Variants in MYO9B observed in about 807,000 individuals in gnomAD.
MYO9B encodes the protein myosin IXB, also known as unconventional myosin-IXb.
In MYO9B, 71 loss-of-function variants were observed where a neutral mutation model predicts 229.5. The ratio of observed to expected loss-of-function variants is 0.31; its 90% CI spans 0.26 to 0.38. The LOEUF (loss-of-function observed/expected upper bound fraction) is 0.38. MYO9B is among the 10% of genes least tolerant of loss of function. The pLI, the probability that MYO9B is intolerant of heterozygous loss-of-function variation, is 1.00. For missense variants in MYO9B, 2,255 were observed against 2,920.5 expected (o/e 0.77, Z 5.25); for synonymous variants, 1,185 against 1,235.8 (o/e 0.96, Z 0.86).
chr19:17,206,888 G>A (rs182143350), intron 34 of MYO9B, 104 bp downstream of exon 34: 83 of 1,272,824 alleles, frequency 6.5e-5, no homozygotes, highest in Admixed American at 1.2e-4. Flanking sequence ...TGGTGGTTTC[G>A]AACCAGGATG....
At chr19:17,108,921 C>T (rs2057819794) in intron 2 of MYO9B, among the ~76,000 whole-genome samples, 1 of 151,930 alleles carries the variant, frequency 6.6e-6, no homozygotes. Context: ...CCATAGTGGC[C>T]AGGCTGGTCT....
chr19:17,167,307 A>AT (rs1175669869), intron 10 of MYO9B, among the ~76,000 whole-genome samples: 3 of 136,720 alleles, frequency 2.2e-5, no homozygotes, highest in African/African-American at 5.7e-5. Context: ...TTTACTTTTT[A>AT]TTTTTTGCAC....
Position 17,172,797 on chromosome 19 carries a change from C to T in MYO9B, c.1974C>T (p.Asp658=). 3 of 1,613,522 alleles carry T rather than the reference C, an allele frequency of 1.9e-6. No homozygotes were observed. Among genetic ancestry groups the T allele is most frequent in the South Asian group, 2.2e-5 (2 of 91,092 alleles). ...AGAACATGGACTACATGCGGCCAGA[C>T]ATCGTGGCCCTGCTGCGGGGCAGTG... ...REKNMDYMRP[D]IVALLRGSDS... Residue 658 remains aspartate (D), a synonymous_variant, in exon 13 of 40, where the codon GAC becomes GAT. Transcript: ENST00000682292. This position sits in a 1 kb window ranked among gnomAD's most constrained non-coding sequence, Gnocchi z 8.2.
At chr19:17,184,570 CAGT>C in intron 16 of MYO9B, 1 of 341,244 alleles carries the variant, frequency 2.9e-6, no homozygotes, top group East Asian at 5.6e-5. Context: ...CGGCCAGGTT[CAGT>C]AGCACTGGCT....
At chr19:17,186,967 A>T (rs996881263) in intron 18 of MYO9B, among the ~76,000 whole-genome samples, 4 of 152,004 alleles carry the variant, frequency 2.6e-5, no homozygotes, top group African/African-American at 9.7e-5. Flanking sequence ...ACTTCAAGTG[A>T]TCCACCCATT....
intron 7 of MYO9B, among the ~76,000 whole-genome samples, chr19:17,158,335 G>T (rs1019655174): frequency 2.0e-5 from 3 of 152,152 alleles, no homozygotes; most frequent in Admixed American, 6.6e-5. Flanking sequence ...ACTTTGGGAG[G>T]CTGAGGCAGG....
intron 6 of MYO9B, among the ~76,000 whole-genome samples, chr19:17,155,525 C>A (rs2072527469): frequency 6.6e-6 from 1 of 152,238 alleles, no homozygotes; most frequent in Non-Finnish European, 1.5e-5. Context: ...TGCCTGTTAT[C>A]CCAGCTACTT....
chr19:17,206,454 C>G, intron 33 of MYO9B, 78 bp downstream of exon 33: 1 of 1,536,298 alleles, frequency 6.5e-7, no homozygotes, highest in Non-Finnish European at 8.7e-7. Flanking sequence ...GCCCAGGAGG[C>G]AGGACCACCC....
In MYO9B at chr19:17,206,098, C is replaced by T. The variant is rs1347997964; in HGVS notation, c.5203C>T (p.Arg1735Cys). The T allele has an allele frequency of 6.2e-7, 1 of 1,607,390 alleles. No individual in the cohort carries two copies. Among genetic ancestry groups the T allele is most frequent in the Non-Finnish European group, 8.5e-7 (1 of 1,175,366 alleles). Reference protein sequence around the residue: ...MHGLYTEGLYRKSGAANRTRE... With the variant: ...MHGLYTEGLYCKSGAANRTRE... ...CGGCCTGTACACCGAGGGCCTCTAC[C>T]GCAAGTCGGGTGCTGCCAACCGCAC... The change falls in exon 32 of 40, where the codon CGC becomes TGC. Residue 1735 changes from arginine to cysteine, a missense_variant. Arg to Cys is a radical substitution (Grantham distance 180, BLOSUM62 -3). Transcript: ENST00000682292.
At chr19:17,171,538 G>A (rs1247322243) in intron 11 of MYO9B, among the ~76,000 whole-genome samples, 1 of 152,212 alleles carries the variant, frequency 6.6e-6, no homozygotes, top group East Asian at 1.9e-4. Context: ...CCAGGGGACA[G>A]ACTTTGCAGA....
chr19:17,116,977 T>C (rs2145105401), intron 2 of MYO9B, among the ~76,000 whole-genome samples: 1 of 152,296 alleles, frequency 6.6e-6, no homozygotes, highest in South Asian at 2.1e-4. Flanking sequence ...TTTTGGGGAA[T>C]GCTGCATCTA....
chr19:17,081,090 C>T (rs533575833), intron 1 of MYO9B, among the ~76,000 whole-genome samples: 12 of 152,170 alleles, frequency 7.9e-5, no homozygotes, highest in African/African-American at 1.2e-4. Context: ...TGCAGTGACG[C>T]GATCTCAGCT....
At chr19:17,079,933 G>A (rs549544075) in intron 1 of MYO9B, among the ~76,000 whole-genome samples, 8 of 152,312 alleles carry the variant, frequency 5.3e-5, no homozygotes, top group Non-Finnish European at 8.8e-5. Context: ...CCAGCCCACC[G>A]CCGCAGCCCA....
At chr19:17,114,897 C>G (rs1446353431) in intron 2 of MYO9B, among the ~76,000 whole-genome samples, 2 of 148,606 alleles carry the variant, frequency 1.3e-5, no homozygotes, top group East Asian at 3.9e-4. Flanking sequence ...TTCATTATCT[C>G]TTTTGGTTCC....
intron 2 of MYO9B, among the ~76,000 whole-genome samples, chr19:17,118,399 C>A (rs188752915): frequency 6.6e-6 from 1 of 151,712 alleles, no homozygotes; most frequent in Admixed American, 6.6e-5. Context: ...CATAGGAGTT[C>A]GAGACCAGCA....
intron 13 of MYO9B, among the ~76,000 whole-genome samples, chr19:17,173,838 C>T (rs1258953361): frequency 6.6e-6 from 1 of 152,052 alleles, no homozygotes; most frequent in Admixed American, 6.6e-5. Context: ...GGTCTAAGGG[C>T]TCCAACCTTC....
At chr19:17,209,812 G>A in intron 36 of MYO9B, 103 bp downstream of exon 36, 1 of 1,460,860 alleles carries the variant, frequency 6.8e-7, no homozygotes, top group Non-Finnish European at 9.2e-7. Flanking sequence ...GCTGGTGAGT[G>A]GGGTCTTGGT....
Position 17,155,557 on chromosome 19 carries a change from C to T in MYO9B, c.1199+1142C>T, listed in dbSNP as rs183426952. Among the ~76,000 whole-genome samples, 75 of 151,690 alleles carry T rather than the reference C, an allele frequency of 4.9e-4. No homozygotes were observed. The East Asian group carries it at 0.011, about 22-fold the overall frequency. On this transcript the variant is annotated intron_variant, in intron 6 of 39. Transcript: ENST00000682292. Reference sequence around the variant, plus strand: ...ACTTGGGAGGCCAAGGCAGGAAGATCGCTTGAGACCAGGAGTTGGAGACCA... The same window carrying T: ...ACTTGGGAGGCCAAGGCAGGAAGATTGCTTGAGACCAGGAGTTGGAGACCA...
At chr19:17,125,779 T>C (rs1162060020) in intron 2 of MYO9B, among the ~76,000 whole-genome samples, 3 of 152,168 alleles carry the variant, frequency 2.0e-5, no homozygotes, top group Non-Finnish European at 4.4e-5. Context: ...ATCGAGAGCC[T>C]GCCGGGGTGC....
Sources: gnomAD v4.1 joint callset for allele counts (sites outside exome capture counted in the v4.1 genomes callset) on GRCh38, gnomAD v4.1.1 for gene constraint, Gnocchi (gnomAD v3.1) non-coding constraint, MANE v1.5 for transcripts, NCBI Gene and HGNC (gene_info 2026-07-23, HGNC 2026-07-21) for gene names.